The following PRH1 variants were observed in gnomAD, a reference collection of about 807,000 sequenced individuals.
The protein encoded by PRH1 is salivary acidic proline-rich phosphoprotein 1/2.
A neutral mutation model predicts 7.9 loss-of-function variants in PRH1; 7 were observed. That is an observed-to-expected ratio of 0.89 (90% CI 0.50 to 1.67). The LOEUF (loss-of-function observed/expected upper bound fraction) is 1.67, where lower values mean the gene tolerates loss of function less well. PRH1 is among the 40% of genes most tolerant of loss of function. The pLI is 0.00. For missense variants in PRH1, 109 were observed against 223.6 expected, an observed-to-expected ratio of 0.49 and a Z score of 3.27; for synonymous variants, 45 against 80.8, an observed-to-expected ratio of 0.56 and a Z score of 2.38.
At chr12:11,086,522 G>A in intron 1 of PRH1, among the ~76,000 whole-genome samples, 1 of 141,964 alleles carries the variant, frequency 7.0e-6, no homozygotes, top group Non-Finnish European at 1.6e-5. Flanking sequence ...CTTGAAGTCA[G>A]ACTGCCAAGA....
intron 2 of PRH1, among the ~76,000 whole-genome samples, chr12:10,911,522 G>A (rs1949899263): frequency 6.6e-6 from 1 of 152,208 alleles, no homozygotes. Context: ...AGGGCAGGAA[G>A]AGGAAACAAT....
chr12:10,891,259 T>C (rs1351459732), intron 2 of PRH1, among the ~76,000 whole-genome samples: 4 of 152,224 alleles, frequency 2.6e-5, no homozygotes, highest in African/African-American at 4.8e-5. Context: ...AGCATCTGAA[T>C]GTAACAACTT....
At chr12:11,082,928 A>C (rs1259306862) in intron 1 of PRH1, among the ~76,000 whole-genome samples, 1 of 116,552 alleles carries the variant, frequency 8.6e-6, no homozygotes. Context: ...ATGGTCACAA[A>C]ATCTGGGTGA....
At chr12:11,100,392 T>C (rs898559127) in intron 1 of PRH1, among the ~76,000 whole-genome samples, 1 of 152,164 alleles carries the variant, frequency 6.6e-6, no homozygotes, top group Admixed American at 6.6e-5. Context: ...TGGAAATTGA[T>C]TTGATGTGAG....
At chr12:11,062,222 C>T in intron 1 of PRH1, 2 of 1,613,140 alleles carry the variant, frequency 1.2e-6, no homozygotes, top group Non-Finnish European at 1.7e-6. Flanking sequence ...GCTATGAAGC[C>T]ATTAGCAAAA....
intron 1 of PRH1, among the ~76,000 whole-genome samples, chr12:11,170,382 C>CA (rs1489265739): frequency 1.1e-4 from 17 of 151,934 alleles, no homozygotes; most frequent in African/African-American, 3.9e-4. Context: ...CCATCTCTAC[C>CA]AAAAAATACA....
intron 1 of PRH1, among the ~76,000 whole-genome samples, chr12:10,984,003 A>G (rs1356783317): frequency 1.6e-4 from 24 of 152,116 alleles, no homozygotes; most frequent in Admixed American, 1.6e-3. Context: ...GGTTTTTAAT[A>G]TGGCAATTTA....
chr12:10,889,711 C>A lies in PRH1; in HGVS notation c.-58-5436G>T, dbSNP rs1949543399. On this transcript the variant is annotated intron_variant, in intron 2 of 3. Coordinates refer to the PRH1 transcript ENST00000539853. ...ATGTATAATTTTTTCAATTATTTTA[C>A]CCTGTATTGTTTAGAGTATATAATT... Among the ~76,000 whole-genome samples the A allele has an allele frequency of 3.3e-5, 5 of 152,126 alleles. No individual in the cohort carries two copies. In the South Asian group the frequency reaches 8.3e-4, roughly 25 times the overall value.
intron 3 of PRH1, among the ~76,000 whole-genome samples, chr12:10,881,397 C>T (rs1198172098): frequency 2.6e-5 from 4 of 152,116 alleles, no homozygotes; most frequent in African/African-American, 9.7e-5. Flanking sequence ...CCTTAATATC[C>T]AGTGACAGGG....
At chr12:11,124,754 A>C (rs1314840575) in intron 1 of PRH1, among the ~76,000 whole-genome samples, 1 of 152,258 alleles carries the variant, frequency 6.6e-6, no homozygotes, top group Non-Finnish European at 1.5e-5. Flanking sequence ...AAAAGGGAGA[A>C]TGTTATTTGA....
At chr12:11,168,779 C>CA (rs1371923690) in intron 1 of PRH1, among the ~76,000 whole-genome samples, 1 of 152,140 alleles carries the variant, frequency 6.6e-6, no homozygotes, top group Non-Finnish European at 1.5e-5. Flanking sequence ...ATTACGACTC[C>CA]AAAATCATTT....
At chr12:11,079,056 T>C (rs1353436284) in intron 1 of PRH1, 3 of 151,272 alleles carry the variant, frequency 2.0e-5, no homozygotes. Context: ...ATAATATTTA[T>C]CAAACATGTT....
Position 11,111,244 on chromosome 12 carries a change from T to G in PRH1, n.123+60178A>C, listed in dbSNP as rs372635716. Among the ~76,000 whole-genome samples the G allele has an allele frequency of 3.9e-5, 6 of 152,236 alleles. No homozygotes were observed. The East Asian group carries it at 7.7e-4, about 20-fold the overall frequency. On this transcript the variant is annotated intron_variant and non_coding_transcript_variant, in intron 1 of 4. Transcript: ENST00000541977. ...CCACAGTCAATATTAGACAGATCAA[T>G]GAGACAGAAAATTAACAAGGATATT...
chr12:11,149,934 A>T, intron 1 of PRH1, among the ~76,000 whole-genome samples: 1 of 134,214 alleles, frequency 7.5e-6, no homozygotes, highest in Non-Finnish European at 1.7e-5. Context: ...ACAAAGGGCT[A>T]ATATCCAGAA....
intron 1 of PRH1, among the ~76,000 whole-genome samples, chr12:10,990,608 G>A (rs567999356): frequency 6.6e-6 from 1 of 152,264 alleles, no homozygotes; most frequent in South Asian, 2.1e-4. Flanking sequence ...GCTGAAGAAT[G>A]GCATGATCAA....
chr12:11,095,812 A>T lies in PRH1; in HGVS notation n.124-48624T>A, dbSNP rs2083044936. On this transcript the variant is annotated intron_variant and non_coding_transcript_variant, in intron 1 of 4. Transcript: ENST00000541977. ...AGTGAGAATCCAACTCTACCAACAAAAATAATAATAATAATAATTTTTCTT... is the reference window on the plus strand; with the variant it reads ...AGTGAGAATCCAACTCTACCAACAATAATAATAATAATAATAATTTTTCTT... Among the ~76,000 whole-genome samples the T allele has an allele frequency of 3.5e-5, 4 of 115,204 alleles. No homozygotes were observed. In the South Asian group the frequency reaches 9.5e-4, roughly 27 times the overall value. 75.6% of individuals were successfully genotyped at this position (115,204 alleles called of 152,430 possible). A position where few individuals can be genotyped will look rare whatever the true frequency, so the allele number is the denominator to read the frequency against.
upstream of PRH1, among the ~76,000 whole-genome samples, chr12:10,886,155 T>C (rs1318310214): frequency 6.6e-6 from 1 of 152,202 alleles, no homozygotes; most frequent in Non-Finnish European, 1.5e-5. Flanking sequence ...CAGCTCCCAA[T>C]GCGTTATGGA....
intron 2 of PRH1, among the ~76,000 whole-genome samples, chr12:10,893,929 A>G (rs1949610515): frequency 6.6e-6 from 1 of 151,952 alleles, no homozygotes; most frequent in Admixed American, 6.6e-5. Flanking sequence ...TTAACCTGCT[A>G]TTTTTACATG....
chr12:11,005,443 G>A (rs1271677026), intron 1 of PRH1, among the ~76,000 whole-genome samples: 1 of 152,094 alleles, frequency 6.6e-6, no homozygotes, highest in Admixed American at 6.6e-5. Context: ...GAACTTTGTT[G>A]TAACTAGAAT....
Sources: gnomAD v4.1 joint callset for allele counts (sites outside exome capture counted in the v4.1 genomes callset) on GRCh38, gnomAD v4.1.1 for gene constraint, MANE v1.5 for transcripts, NCBI Gene and HGNC (gene_info 2026-07-23, HGNC 2026-07-21) for gene names.